Variants in SLC25A21 observed in about 807,000 individuals in gnomAD.
SLC25A21 encodes the protein mitochondrial 2-oxodicarboxylate carrier.
Under a neutral mutation model 43.8 loss-of-function variants are expected in SLC25A21, and 47 were observed. That is an observed-to-expected ratio of 1.07 (90% CI 0.85 to 1.37). SLC25A21 has a LOEUF of 1.37. Ranked by LOEUF, SLC25A21 falls within the 40% of genes most tolerant of loss-of-function variation. The pLI, the probability that SLC25A21 is intolerant of heterozygous loss-of-function variation, is 0.00. For synonymous variants in SLC25A21, 131 were observed against 121.3 expected, an observed-to-expected ratio of 1.08 and a Z score of -0.52; for missense variants, 352 against 350.2, an observed-to-expected ratio of 1.00 and a Z score of -0.04.
intron 1 of SLC25A21, among the ~76,000 whole-genome samples, chr14:37,096,430 T>C (rs1028783067): frequency 3.9e-5 from 6 of 152,234 alleles, no homozygotes; most frequent in African/African-American, 1.4e-4. Context: ...AAGTTCTCTG[T>C]TATTATTTCT....
At chr14:37,073,429 T>C (rs1028008587) in intron 1 of SLC25A21, among the ~76,000 whole-genome samples, 2 of 152,198 alleles carry the variant, frequency 1.3e-5, no homozygotes, top group African/African-American at 4.8e-5. Context: ...TTGTCCAGGC[T>C]GCTCCTGTCC....
At chr14:37,108,259 T>C (rs1962951436) in intron 1 of SLC25A21, among the ~76,000 whole-genome samples, 1 of 152,188 alleles carries the variant, frequency 6.6e-6, no homozygotes, top group Non-Finnish European at 1.5e-5. Context: ...TGCACAAAGG[T>C]ACGTGCTTTA....
At chr14:37,165,566 T>C (rs1423588884) in intron 1 of SLC25A21, among the ~76,000 whole-genome samples, 1 of 152,118 alleles carries the variant, frequency 6.6e-6, no homozygotes, top group Non-Finnish European at 1.5e-5. Flanking sequence ...TAAAAGATTC[T>C]GGGAGGCAGG....
chr14:36,919,655 C>A (rs1203356381), intron 1 of SLC25A21, among the ~76,000 whole-genome samples: 1 of 149,988 alleles, frequency 6.7e-6, no homozygotes, highest in Non-Finnish European at 1.5e-5. Flanking sequence ...ATCTATCTAT[C>A]TATCTATCTA....
chr14:37,116,601 C>CA lies in SLC25A21; in HGVS notation c.70+55679dup, dbSNP rs946024990. ...GCTGAGAAAAAATTTCCTTTTGGTT[C>CA]AAAAAAAAATAATGTCATTAAATTT... is the stretch of plus-strand genomic sequence containing the variant. On this transcript the variant is annotated intron_variant, in intron 1 of 9. Coordinates refer to ENST00000331299, the MANE Select transcript of SLC25A21 (RefSeq NM_030631.4). 3.2e-4 allele frequency among the ~76,000 whole-genome samples: 48 copies of CA among 150,320 alleles called. 1 individual carries two copies. In the South Asian group the frequency reaches 9.1e-3, roughly 28 times the overall value.
chr14:37,134,503 G>C (rs372221335), intron 1 of SLC25A21, among the ~76,000 whole-genome samples: 115 of 152,062 alleles, frequency 7.6e-4, no homozygotes, highest in African/African-American at 2.4e-3. Context: ...GTTTCAGCAG[G>C]GCACAGTGGC....
intron 1 of SLC25A21, among the ~76,000 whole-genome samples, chr14:36,882,650 G>T (rs1159850854): frequency 6.6e-6 from 1 of 152,060 alleles, no homozygotes; most frequent in Non-Finnish European, 1.5e-5. Context: ...CTCTCTTGGT[G>T]ATCTCATCCA....
intron 3 of SLC25A21, among the ~76,000 whole-genome samples, chr14:36,756,694 G>T (rs1053397294): frequency 1.3e-5 from 2 of 152,190 alleles, no homozygotes; most frequent in East Asian, 1.9e-4. Flanking sequence ...TGATTGAGGT[G>T]TTAGGACAAA....
intron 1 of SLC25A21, among the ~76,000 whole-genome samples, chr14:36,992,710 T>G (rs1960290859): frequency 6.6e-6 from 1 of 152,172 alleles, no homozygotes; most frequent in Non-Finnish European, 1.5e-5. Flanking sequence ...TTGCCATAGA[T>G]TTAAGGCAGT....
chr14:36,877,010 T>C (rs985660266), intron 1 of SLC25A21, among the ~76,000 whole-genome samples: 2 of 151,936 alleles, frequency 1.3e-5, no homozygotes, highest in Non-Finnish European at 2.9e-5. Flanking sequence ...AGTTATAAGA[T>C]AAAACCCTAA....
At chr14:37,021,857 T>C (rs1960993288) in intron 1 of SLC25A21, among the ~76,000 whole-genome samples, 1 of 151,928 alleles carries the variant, frequency 6.6e-6, no homozygotes, top group Admixed American at 6.6e-5. Flanking sequence ...AAGGAGATTC[T>C]CACCATAGGA....
Position 36,729,537 on chromosome 14 carries a change from C to T in SLC25A21, c.300G>A (p.Leu100=). The change falls in exon 5 of 10, where the codon TTG becomes TTA. Residue 100 remains leucine (L), a synonymous_variant. Transcript: ENST00000331299. ...CTGGTGACAGTGACACATATCCCAGCAATTTCTTGTACTGCTCAAAGGTGA... is the reference window on the plus strand; with the variant it reads ...CTGGTGACAGTGACACATATCCCAGTAATTTCTTGTACTGCTCAAAGGTGA... ...KFFTFEQYKK[L]LGYVSLSPAL... The T allele has an allele frequency of 3.7e-6, 6 of 1,609,352 alleles. No homozygotes were observed. Among genetic ancestry groups the T allele is most frequent in the Non-Finnish European group, 5.1e-6 (6 of 1,178,278 alleles).
intron 1 of SLC25A21, among the ~76,000 whole-genome samples, chr14:37,031,845 A>G (rs575061567): frequency 6.6e-6 from 1 of 152,352 alleles, no homozygotes; most frequent in Admixed American, 6.5e-5. Context: ...TTGGGAGATG[A>G]GCCCAGACTG....
At chr14:37,152,182 G>A (rs948212899) in intron 1 of SLC25A21, among the ~76,000 whole-genome samples, 10 of 151,972 alleles carry the variant, frequency 6.6e-5, no homozygotes, top group African/African-American at 2.4e-4. Flanking sequence ...AGTTAGGAAG[G>A]ATCTACCCAA....
In SLC25A21 at chr14:37,040,435, GAAAGA is replaced by G. The variant is rs1555343500; in HGVS notation, c.70+131841_70+131845del. ...AGAAAGAAAGAAAGAAAGAAAGAAA[GAAAGA>G]AAAGAAAAATTAGTTACAGGGTGAG... On this transcript the variant is annotated intron_variant, in intron 1 of 9. Transcript: ENST00000331299. 3.0e-4 allele frequency among the ~76,000 whole-genome samples: 30 copies of G among 100,814 alleles called. 7 individuals are homozygous for G. Among genetic ancestry groups the G allele is most frequent in the African/African-American group, 1.8e-3 (23 of 12,494 alleles). 66.1% of individuals were successfully genotyped at this position (100,814 alleles called of 152,430 possible). A position where few individuals can be genotyped will look rare whatever the true frequency, so the allele number is the denominator to read the frequency against.
intron 2 of SLC25A21, among the ~76,000 whole-genome samples, chr14:36,854,940 G>GA (rs537415597): frequency 6.6e-6 from 1 of 150,514 alleles, no homozygotes; most frequent in Non-Finnish European, 1.5e-5. Flanking sequence ...AGGTGGGGGG[G>GA]GGTATTCTGC....
At chr14:37,050,004 G>A (rs1005403720) in intron 1 of SLC25A21, among the ~76,000 whole-genome samples, 1 of 152,178 alleles carries the variant, frequency 6.6e-6, no homozygotes. Flanking sequence ...ATATAGTGCC[G>A]GATATTTTTA....
intron 1 of SLC25A21, among the ~76,000 whole-genome samples, chr14:36,895,708 T>G (rs549760581): frequency 6.6e-6 from 1 of 152,288 alleles, no homozygotes; most frequent in Non-Finnish European, 1.5e-5. Context: ...CACACTGCTT[T>G]GAATGTGTTC....
At chr14:37,134,822 G>A (rs1279313867) in intron 1 of SLC25A21, among the ~76,000 whole-genome samples, 3 of 152,020 alleles carry the variant, frequency 2.0e-5, no homozygotes, top group African/African-American at 7.2e-5. Flanking sequence ...GCCAAGTGTG[G>A]TGGCTCATGC....
Sources: allele counts gnomAD v4.1 joint callset (sites outside exome capture counted in the v4.1 genomes callset), GRCh38; gene constraint gnomAD v4.1.1; transcripts MANE v1.5; gene names NCBI Gene and HGNC (gene_info 2026-07-23, HGNC 2026-07-21).